The following SAMD4A variants were observed in gnomAD, a reference collection of about 807,000 sequenced individuals.
The protein encoded by SAMD4A is sterile alpha motif domain containing 4A, also known as protein Smaug homolog 1.
In SAMD4A, 33 loss-of-function variants were observed where a neutral mutation model predicts 81.3. The observed-to-expected ratio is 0.41, with a 90% CI of 0.31 to 0.54. The LOEUF (loss-of-function observed/expected upper bound fraction) is 0.54. Among genes scored for constraint, SAMD4A ranks in the 20% least tolerant of loss-of-function variants. SAMD4A has a pLI of 0.37. For synonymous variants in SAMD4A, 389 were observed against 382.1 expected (o/e 1.02, Z -0.21); for missense variants, 854 against 951.1 (o/e 0.90, Z 1.34).
chr14:54,620,653 A>G (rs1364807025), intron 2 of SAMD4A, among the ~76,000 whole-genome samples: 1 of 152,230 alleles, frequency 6.6e-6, no homozygotes, highest in Non-Finnish European at 1.5e-5. Context: ...AAATTAAACC[A>G]GGCAGGAAAG....
chr14:54,644,543 A>G (rs2035244466), intron 2 of SAMD4A, among the ~76,000 whole-genome samples: 1 of 152,198 alleles, frequency 6.6e-6, no homozygotes, highest in African/African-American at 2.4e-5. Flanking sequence ...GCTACATGCA[A>G]TTAGTCACAC....
intron 6 of SAMD4A, among the ~76,000 whole-genome samples, chr14:54,759,081 A>T (rs2038322357): frequency 6.6e-6 from 1 of 152,190 alleles, no homozygotes; most frequent in African/African-American, 2.4e-5. Context: ...TTTTTTAATA[A>T]GTAGTGCCCA....
rs148493735 is a variant in SAMD4A, at chr14:54,672,934, C to T, written c.197-29128C>T. On this transcript the variant is annotated intron_variant, in intron 2 of 12. Transcript: ENST00000554335. Reference sequence around the variant, plus strand: ...AACAGTTAGGAGAGTGATTTTCTGGCCCAAGATACATTTTGCCGGCATTAG... The same window carrying T: ...AACAGTTAGGAGAGTGATTTTCTGGTCCAAGATACATTTTGCCGGCATTAG... Among the ~76,000 whole-genome samples, 630 of 152,270 alleles carry T rather than the reference C, an allele frequency of 4.1e-3. 3 individuals carry two copies. Among genetic ancestry groups the T allele is most frequent in the African/African-American group, 0.014 (601 of 41,558 alleles).
At chr14:54,678,433 T>TGTGTGTG (rs2036040355) in intron 2 of SAMD4A, among the ~76,000 whole-genome samples, 4 of 81,248 alleles carry the variant, frequency 4.9e-5, no homozygotes, top group Admixed American at 4.8e-4. Flanking sequence ...CAGTCACCAT[T>TGTGTGTG]TGTGTGTGTG....
At position 54,760,089 on chromosome 14, in the gene SAMD4A, G is replaced by A. The variant is rs979399176; in HGVS notation, c.1177-72G>A. On this transcript the variant is annotated intron_variant, in intron 6 of 12. Coordinates refer to ENST00000554335, the MANE Select transcript of SAMD4A (RefSeq NM_015589.6). ...GAATCCTGTAAGAGCTCAGGGCAGGGGAGGGCAGGTACGGGGGTGGATGAC... is the reference window on the plus strand; with the variant it reads ...GAATCCTGTAAGAGCTCAGGGCAGGAGAGGGCAGGTACGGGGGTGGATGAC... 6 of 1,486,214 alleles carry A rather than the reference G, an allele frequency of 4.0e-6. No homozygotes were observed. The African/African-American group carries it at 8.7e-5, about 21-fold the overall frequency. 92.1% of individuals were successfully genotyped at this position (1,486,214 alleles called of 1,614,324 possible). A position where few individuals can be genotyped will look rare whatever the true frequency, so the allele number is the denominator to read the frequency against.
chr14:54,592,852 G>C (rs990972685), intron 2 of SAMD4A, among the ~76,000 whole-genome samples: 45 of 152,078 alleles, frequency 3.0e-4, no homozygotes, highest in Non-Finnish European at 4.4e-5. Flanking sequence ...TCTTATTTTA[G>C]AACATTTCCT....
intron 2 of SAMD4A, among the ~76,000 whole-genome samples, chr14:54,691,011 G>A (rs1033314834): frequency 6.6e-6 from 1 of 152,120 alleles, no homozygotes; most frequent in African/African-American, 2.4e-5. Context: ...TGCCAGGTTT[G>A]TCCTCTCTCC....
chr14:54,670,344 A>G (rs1385848555), intron 2 of SAMD4A, among the ~76,000 whole-genome samples: 1 of 152,204 alleles, frequency 6.6e-6, no homozygotes, highest in Admixed American at 6.5e-5. Flanking sequence ...CTTTTCACAT[A>G]AAAGACCAAA....
chr14:54,686,655 C>T (rs573101290), intron 2 of SAMD4A, among the ~76,000 whole-genome samples: 3 of 151,224 alleles, frequency 2.0e-5, no homozygotes, highest in African/African-American at 4.9e-5. Flanking sequence ...AAAAAGAAAA[C>T]GGATGCTTTA....
At chr14:54,568,690 CATATATATATATATATATATATAT>C (rs59190435) in intron 2 of SAMD4A, among the ~76,000 whole-genome samples, 884 of 31,894 alleles carry the variant, frequency 0.028, 26 homozygotes, top group East Asian at 0.063. Context: ...ACATTTGCAG[CATATATATATATATATATATATAT>C]ATATATATAT....
intron 2 of SAMD4A, among the ~76,000 whole-genome samples, chr14:54,613,641 GAT>G (rs1343919024): frequency 6.6e-6 from 1 of 152,174 alleles, no homozygotes; most frequent in Non-Finnish European, 1.5e-5. Flanking sequence ...TGGGATGAAT[GAT>G]ATGTTTGCAT....
At chr14:54,685,722 G>T (rs2036250774) in intron 2 of SAMD4A, 1 of 456,536 alleles carries the variant, frequency 2.2e-6, no homozygotes, top group Non-Finnish European at 4.4e-6. Context: ...AGTGGTGTGT[G>T]GTAAGAACAC....
rs935803352 is a variant in SAMD4A, at chr14:54,744,204, T to C, written c.980-4611T>C. Among the ~76,000 whole-genome samples the C allele has an allele frequency of 2.6e-5, 4 of 152,348 alleles. 1 individual carries two copies. The highest frequency in any genetic ancestry group is 2.6e-4 in the Admixed American group (4 of 15,300). On this transcript the variant is annotated intron_variant, in intron 4 of 12. Coordinates refer to ENST00000554335, the MANE Select transcript of SAMD4A (RefSeq NM_015589.6). ...ATGCCTTTCTCCCTGCCCTTCATGC[T>C]GCATTCGATATTGGGCTCTTCAGCA...
intron 2 of SAMD4A, among the ~76,000 whole-genome samples, chr14:54,643,991 A>T (rs2035231353): frequency 6.6e-6 from 1 of 152,176 alleles, no homozygotes; most frequent in Non-Finnish European, 1.5e-5. Context: ...GGTAGAACAA[A>T]TGCTTATTGC....
chr14:54,773,906 G>A (rs1279212982), intron 9 of SAMD4A, among the ~76,000 whole-genome samples: 1 of 152,230 alleles, frequency 6.6e-6, no homozygotes, highest in African/African-American at 2.4e-5. Context: ...GACAGACATG[G>A]AGCTTACATC....
intron 2 of SAMD4A, chr14:54,701,228 C>T (rs540009124): frequency 3.3e-5 from 5 of 152,246 alleles, no homozygotes; most frequent in Admixed American, 2.6e-4. Context: ...TCTCTAACTC[C>T]TGGGCTCAAG....
At chr14:54,620,981 G>C (rs1440640600) in intron 2 of SAMD4A, among the ~76,000 whole-genome samples, 1 of 152,040 alleles carries the variant, frequency 6.6e-6, no homozygotes, top group Non-Finnish European at 1.5e-5. Flanking sequence ...TGTTGCTTGG[G>C]CTGGTCTCTC....
chr14:54,657,903 G>T (rs1275545639), intron 2 of SAMD4A, among the ~76,000 whole-genome samples: 2 of 152,190 alleles, frequency 1.3e-5, no homozygotes, highest in East Asian at 3.8e-4. Flanking sequence ...AGGCTCTGTA[G>T]GTGTGAAAAT....
At chr14:54,622,678 A>C (rs1210029787) in intron 2 of SAMD4A, among the ~76,000 whole-genome samples, 1 of 152,184 alleles carries the variant, frequency 6.6e-6, no homozygotes, top group African/African-American at 2.4e-5. Flanking sequence ...CTCCCCTAGG[A>C]ATCCTCCTGG....
Sources: allele counts gnomAD v4.1 joint callset (sites outside exome capture counted in the v4.1 genomes callset), GRCh38; gene constraint gnomAD v4.1.1; transcripts MANE v1.5; gene names NCBI Gene and HGNC (gene_info 2026-07-23, HGNC 2026-07-21).